Variants in TRAPPC4 observed in about 807,000 individuals in gnomAD.
The protein encoded by TRAPPC4 is TRS23 homolog.
In TRAPPC4, 30 loss-of-function variants were observed where a neutral mutation model predicts 23.5. That is an observed-to-expected ratio of 1.28 (90% CI 0.96 to 1.73). The LOEUF is 1.73. TRAPPC4 is among the 40% of genes most tolerant of loss of function. The pLI, the probability that TRAPPC4 is intolerant of heterozygous loss-of-function variation, is 0.00. For missense variants in TRAPPC4, 252 were observed against 268.9 expected (o/e 0.94, Z 0.44); for synonymous variants, 129 against 105.3 (o/e 1.23, Z -1.38).
At chr11:119,022,264 G>A (rs1209945943) in intron 4 of TRAPPC4, among the ~76,000 whole-genome samples, 6 of 152,208 alleles carry the variant, frequency 3.9e-5, no homozygotes, top group Non-Finnish European at 5.9e-5. Flanking sequence ...GATTACAGGC[G>A]TGAGCCACTG....
At chr11:119,019,397 A>G in intron 2 of TRAPPC4, 80 bp downstream of exon 2, 1 of 1,451,656 alleles carries the variant, frequency 6.9e-7, no homozygotes, top group Non-Finnish European at 9.4e-7. Flanking sequence ...GTTATGAAAA[A>G]CGCAACCGAT....
At position 119,019,328 on chromosome 11, in the gene TRAPPC4, C is replaced by A. The variant is rs782638845; in HGVS notation, c.350+11C>A. 1.9e-6 allele frequency: 3 copies of A among 1,606,684 alleles called. No homozygotes were observed. The highest frequency in any genetic ancestry group is 2.6e-6 in the Non-Finnish European group (3 of 1,174,340). ...CTCCATGTTCCACTCGTAAGTCCCCCGTCTCCTGAACGGCAGCGCTTGTAA... is the reference window on the plus strand; with the variant it reads ...CTCCATGTTCCACTCGTAAGTCCCCAGTCTCCTGAACGGCAGCGCTTGTAA... On this transcript the variant is annotated intron_variant, in intron 2 of 4. Transcript: ENST00000533632.
intron 4 of TRAPPC4, among the ~76,000 whole-genome samples, chr11:119,022,804 G>A (rs940003958): frequency 0.18 from 18 of 102 alleles, no homozygotes; most frequent in Non-Finnish European, 0.27. Flanking sequence ...GTAGGCTGAG[G>A]CAAGCAGAAT....
chr11:119,019,187 A>G lies in TRAPPC4; in HGVS notation c.220A>G (p.Arg74Gly). ...CATCAATGGCATGGACGTGAATGGC[A>G]GGTACACGGCCGACGGGAAAGAGGT... ...LAINGMDVNG[R>G]YTADGKEVLE... The change falls in exon 2 of 5, where the codon AGG (arginine) becomes GGG (glycine). Residue 74 changes from arginine to glycine, a missense_variant. Coordinates refer to ENST00000533632, the MANE Select transcript of TRAPPC4 (RefSeq NM_016146.6). The G allele has an allele frequency of 6.2e-7, 1 of 1,614,220 alleles. No individual in the cohort carries two copies. Among genetic ancestry groups the G allele is most frequent in the Non-Finnish European group, 8.5e-7 (1 of 1,180,036 alleles).
intron 4 of TRAPPC4, 55 bp from the exon 5 acceptor site, chr11:119,023,266 T>TGGG: frequency 6.4e-7 from 1 of 1,556,840 alleles, no homozygotes; most frequent in Non-Finnish European, 8.9e-7. Context: ...CTGGCTTAAG[T>TGGG]GGGGAGAAAG....
chr11:119,023,223 C>G lies in TRAPPC4; in HGVS notation c.582-98C>G, dbSNP rs1943440645. The G allele has an allele frequency of 3.0e-5, 35 of 1,178,302 alleles. No homozygotes were observed. In the South Asian group the frequency reaches 4.3e-4, roughly 14 times the overall value. 73.0% of individuals were successfully genotyped at this position (1,178,302 alleles called of 1,614,324 possible). On this transcript the variant is annotated intron_variant, in intron 4 of 4. Coordinates refer to ENST00000533632, the MANE Select transcript of TRAPPC4 (RefSeq NM_016146.6). The stretch of plus-strand genomic sequence containing the variant: ...CAGCTGATCCGCCCACCTCAGCCTT[C>G]CATGATATATGTTGTTCTTCAAGCA...
chr11:119,021,709 C>G (rs1452314949), intron 3 of TRAPPC4, 51 bp from the exon 4 acceptor site: 1 of 1,603,744 alleles, frequency 6.2e-7, no homozygotes, highest in African/African-American at 1.3e-5. Flanking sequence ...CAGGATGACA[C>G]TATTTGCTCC....
chr11:119,018,869 G>C lies in TRAPPC4; in HGVS notation c.74G>C (p.Arg25Pro). 1 of 1,614,214 alleles carries C rather than the reference G, an allele frequency of 6.2e-7. No homozygotes were observed. The highest frequency in any genetic ancestry group is 8.5e-7 in the Non-Finnish European group (1 of 1,180,040). ...TACCAGTTGGACAGCTACGCGCCAC[G>C]GGCTGAGGCTGAGAAAACTTTCAGT... ...LIYQLDSYAP[R>P]AEAEKTFSYP... Residue 25 changes from arginine to proline, a missense_variant, in exon 1 of 5, where the codon CGG (arginine) becomes CCG (proline). Around this residue, in one of 3 missense-constraint regions of TRAPPC4, gnomAD observed 222 missense variants for 217.8 expected, o/e 1.02. Coordinates refer to ENST00000533632, the MANE Select transcript of TRAPPC4 (RefSeq NM_016146.6).
At chr11:119,022,663 G>A (rs146733121) in intron 4 of TRAPPC4, among the ~76,000 whole-genome samples, 1 of 152,198 alleles carries the variant, frequency 6.6e-6, no homozygotes, top group African/African-American at 2.4e-5. Context: ...GCTGAGGCGG[G>A]CGGATCACTT....
intron 2 of TRAPPC4, 156 bp from the exon 3 acceptor site, chr11:119,019,994 T>C (rs375020279): frequency 2.7e-4 from 149 of 542,694 alleles, no homozygotes; most frequent in African/African-American, 2.5e-3. Flanking sequence ...AGAATTCAAA[T>C]GAACTTAGAA....
At chr11:119,019,576 G>C in intron 2 of TRAPPC4, 1 of 424,328 alleles carries the variant, frequency 2.4e-6, no homozygotes, top group Non-Finnish European at 4.3e-6. Context: ...CGAGTAGCTG[G>C]GATTACAGGC....
Position 119,019,140 on chromosome 11 carries a change from C to T in TRAPPC4, c.176-3C>T, listed in dbSNP as rs1193834176. On this transcript the variant is annotated splice_region_variant and splice_polypyrimidine_tract_variant and intron_variant, in intron 1 of 4. Coordinates refer to ENST00000533632, the MANE Select transcript of TRAPPC4 (RefSeq NM_016146.6). ...TCGCTGACCGTTAGCTTCACCTCTG[C>T]AGTGGGTCATGCAGTGCTGGCCATC... The T allele has an allele frequency of 3.1e-6, 5 of 1,613,646 alleles. No homozygotes were observed. The highest frequency in any genetic ancestry group is 1.7e-5 in the Admixed American group (1 of 59,984).
chr11:119,021,961 G>A, intron 4 of TRAPPC4, 75 bp downstream of exon 4: 1 of 1,548,738 alleles, frequency 6.5e-7, no homozygotes, highest in Non-Finnish European at 8.8e-7. Context: ...AAAGTTAGCT[G>A]AAGCATAGTA....
Position 119,023,520 on chromosome 11 carries a change from C to G in TRAPPC4, c.*121C>G, listed in dbSNP as rs1423597729. On this transcript the variant is annotated 3_prime_UTR_variant, in exon 5 of 5. Coordinates refer to ENST00000533632, the MANE Select transcript of TRAPPC4 (RefSeq NM_016146.6). ...CACTTGAAAGTGGGAGAATGCTGACCCTGATGACTTGTACTGATTCCTGAG... is the reference window on the plus strand; with the variant it reads ...CACTTGAAAGTGGGAGAATGCTGACGCTGATGACTTGTACTGATTCCTGAG... 1 of 879,680 alleles carries G rather than the reference C, an allele frequency of 1.1e-6. No homozygotes were observed. The highest frequency in any genetic ancestry group is 1.7e-5 in the African/African-American group (1 of 60,252). The allele number at this position is 879,680 out of a possible 1,614,324, so 54.5% of individuals were successfully genotyped here.
chr11:119,021,718 C>T, intron 3 of TRAPPC4, 42 bp from the exon 4 acceptor site: 3 of 1,608,796 alleles, frequency 1.9e-6, no homozygotes, highest in African/African-American at 1.3e-5. Flanking sequence ...ACTATTTGCT[C>T]CAGTGTCTAC....
intron 4 of TRAPPC4, 48 bp from the exon 5 acceptor site, chr11:119,023,273 A>G (rs782696950): frequency 6.3e-7 from 1 of 1,584,762 alleles, no homozygotes; most frequent in South Asian, 1.1e-5. Context: ...AAGTGGGGAG[A>G]AAGCCTCAGG....
In TRAPPC4 at chr11:119,020,259, C is replaced by T. The variant is rs1239953766; in HGVS notation, c.454+6C>T. 5.6e-6 allele frequency: 9 copies of T among 1,604,316 alleles called. No individual in the cohort carries two copies. Among genetic ancestry groups the T allele is most frequent in the Non-Finnish European group, 7.7e-6 (9 of 1,172,832 alleles). On this transcript the variant is annotated splice_donor_region_variant and intron_variant, in intron 3 of 4. Transcript: ENST00000533632. Reference sequence around the variant, plus strand: ...CTGCTACCAGACACTGACAGGTATGCATCTCCACGGAGGCCAGAGGAGTGT... The same window carrying T: ...CTGCTACCAGACACTGACAGGTATGTATCTCCACGGAGGCCAGAGGAGTGT...
At chr11:119,022,276 G>A (rs1374947852) in intron 4 of TRAPPC4, among the ~76,000 whole-genome samples, 2 of 152,162 alleles carry the variant, frequency 1.3e-5, no homozygotes, top group South Asian at 2.1e-4. Flanking sequence ...GAGCCACTGC[G>A]CCCGGCCGAG....
intron 4 of TRAPPC4, among the ~76,000 whole-genome samples, chr11:119,022,822 A>G (rs1031989187): frequency 1.3e-5 from 2 of 151,938 alleles, no homozygotes; most frequent in African/African-American, 2.4e-5. Context: ...AATCGCTTCA[A>G]TCTGGGAGGA....
Sources: gnomAD v4.1 joint callset for allele counts (sites outside exome capture counted in the v4.1 genomes callset) on GRCh38, gnomAD v4.1.1 for gene constraint, gnomAD v4.1.1 regional missense constraint, MANE v1.5 for transcripts, NCBI Gene and HGNC (gene_info 2026-07-23, HGNC 2026-07-21) for gene names.